Variants in ADAMTS12 observed in about 807,000 individuals in gnomAD.
The protein encoded by ADAMTS12 is A disintegrin and metalloproteinase with thrombospondin motifs 12.
A neutral mutation model predicts 167.8 loss-of-function variants in ADAMTS12; 118 were observed. The observed-to-expected ratio is 0.70, with a 90% confidence interval of 0.61 to 0.82. ADAMTS12 has a LOEUF of 0.82. ADAMTS12 is among the 40% of genes least tolerant of loss of function. The pLI, the probability that ADAMTS12 is intolerant of heterozygous loss-of-function variation, is 0.00. For synonymous variants in ADAMTS12, 704 were observed against 716.9 expected (o/e 0.98, Z 0.29); for missense variants, 1,916 against 1,998.8 (o/e 0.96, Z 0.79).
intron 16 of ADAMTS12, among the ~76,000 whole-genome samples, chr5:33,599,073 A>G (rs1256252695): frequency 6.6e-6 from 1 of 152,188 alleles, no homozygotes; most frequent in Non-Finnish European, 1.5e-5. Flanking sequence ...CACATGAATA[A>G]AACAGCATTC....
At chr5:33,769,059 A>G (rs889652132) in intron 2 of ADAMTS12, among the ~76,000 whole-genome samples, 8 of 152,042 alleles carry the variant, frequency 5.3e-5, no homozygotes, top group Admixed American at 1.3e-4. Flanking sequence ...TTATAACTGG[A>G]AGACAGAGGC....
At chr5:33,642,196 A>C (rs1436659101) in intron 10 of ADAMTS12, among the ~76,000 whole-genome samples, 1 of 152,246 alleles carries the variant, frequency 6.6e-6, no homozygotes, top group East Asian at 1.9e-4. Flanking sequence ...GGTGCTACAC[A>C]GTGTGGTTGG....
intron 20 of ADAMTS12, among the ~76,000 whole-genome samples, chr5:33,560,382 G>C (rs1479878697): frequency 1.3e-5 from 2 of 152,250 alleles, no homozygotes; most frequent in South Asian, 4.2e-4. Flanking sequence ...CAGGGATCTA[G>C]AACTAGAAAT....
intron 5 of ADAMTS12, among the ~76,000 whole-genome samples, chr5:33,681,742 G>A (rs1034943501): frequency 5.9e-5 from 9 of 152,120 alleles, no homozygotes; most frequent in African/African-American, 1.4e-4. Flanking sequence ...ATGAGAAGGC[G>A]CCAGTCATGT....
intron 21 of ADAMTS12, among the ~76,000 whole-genome samples, chr5:33,548,947 T>G (rs926892526): frequency 6.6e-6 from 1 of 152,220 alleles, no homozygotes; most frequent in African/African-American, 2.4e-5. Context: ...GTATATCCAT[T>G]GGGAGACCAG....
At chr5:33,868,615 T>C (rs1018184568) in intron 2 of ADAMTS12, among the ~76,000 whole-genome samples, 1 of 152,322 alleles carries the variant, frequency 6.6e-6, no homozygotes, top group Non-Finnish European at 1.5e-5. Context: ...ATGTTCAAGA[T>C]GTGGCCTGGC....
chr5:33,751,654 AC>A (rs1744986715), intron 2 of ADAMTS12, 106 bp from the exon 3 acceptor site: 3 of 1,105,472 alleles, frequency 2.7e-6, no homozygotes, highest in Non-Finnish European at 3.9e-6. Flanking sequence ...AACTCCTAAG[AC>A]CAGTGCTTTC....
intron 10 of ADAMTS12, among the ~76,000 whole-genome samples, chr5:33,642,966 T>C (rs1289695531): frequency 6.6e-6 from 1 of 151,234 alleles, no homozygotes; most frequent in Non-Finnish European, 1.5e-5. Context: ...TGTCAGAAGA[T>C]GAGAAAGAAG....
At chr5:33,551,994 G>A (rs1005690720) in intron 20 of ADAMTS12, among the ~76,000 whole-genome samples, 5 of 152,294 alleles carry the variant, frequency 3.3e-5, no homozygotes, top group African/African-American at 4.8e-5. Context: ...CAAGAGGCAG[G>A]CTAATGAGAA....
intron 5 of ADAMTS12, among the ~76,000 whole-genome samples, chr5:33,669,352 G>A (rs1330093398): frequency 6.6e-6 from 1 of 152,112 alleles, no homozygotes; most frequent in Non-Finnish European, 1.5e-5. Context: ...TTGCCCATGA[G>A]GATGTTGCCC....
intron 18 of ADAMTS12, among the ~76,000 whole-genome samples, chr5:33,586,745 C>T (rs1747373118): frequency 6.6e-6 from 1 of 152,172 alleles, no homozygotes; most frequent in Admixed American, 6.5e-5. Context: ...CTCCATTCAG[C>T]CTTATTTTGA....
intron 7 of ADAMTS12, among the ~76,000 whole-genome samples, chr5:33,652,921 T>G (rs1371920663): frequency 6.6e-6 from 1 of 152,148 alleles, no homozygotes; most frequent in Non-Finnish European, 1.5e-5. Flanking sequence ...ATCAGTTCTC[T>G]CATTGTATAT....
chr5:33,618,653 T>C (rs1739149476), intron 14 of ADAMTS12, among the ~76,000 whole-genome samples: 1 of 152,198 alleles, frequency 6.6e-6, no homozygotes, highest in Non-Finnish European at 1.5e-5. Flanking sequence ...TTGTCTTCTG[T>C]TAATTCCCCT....
At chr5:33,637,949 A>G (rs1414328808) in intron 11 of ADAMTS12, among the ~76,000 whole-genome samples, 6 of 152,194 alleles carry the variant, frequency 3.9e-5, no homozygotes, top group Non-Finnish European at 8.8e-5. Context: ...CTTATTTTGA[A>G]ATAGTTTATA....
At position 33,760,879 on chromosome 5, in the gene ADAMTS12, C is replaced by CTGTGTGTGTGTG. The variant is rs61110268; in HGVS notation, c.490-9343_490-9332dup. 4.1e-5 allele frequency among the ~76,000 whole-genome samples: 6 copies of CTGTGTGTGTGTG among 145,574 alleles called. No individual in the cohort carries two copies. In the East Asian group the frequency reaches 1.2e-3, roughly 29 times the overall value. On this transcript the variant is annotated intron_variant, in intron 2 of 23. Coordinates refer to ENST00000504830, the MANE Select transcript of ADAMTS12 (RefSeq NM_030955.4). ...TTCTCATAATTTCTTTGTCTTTGCTCTGTGTGTGTGTGTGTGTGTGTGTGT... is the reference window on the plus strand; with the variant it reads ...TTCTCATAATTTCTTTGTCTTTGCTCTGTGTGTGTGTGTGTGTGTGTGTGTGTGTGTGTGTGT...
chr5:33,724,186 T>C (rs1361212087), intron 3 of ADAMTS12, among the ~76,000 whole-genome samples: 1 of 152,178 alleles, frequency 6.6e-6, no homozygotes, highest in Non-Finnish European at 1.5e-5. Flanking sequence ...CAGTTCTGGA[T>C]TTTGAGCCCT....
intron 5 of ADAMTS12, among the ~76,000 whole-genome samples, chr5:33,663,876 C>T (rs1463340958): frequency 1.3e-5 from 2 of 152,070 alleles, no homozygotes; most frequent in African/African-American, 4.8e-5. Flanking sequence ...TTAACATTAC[C>T]ATTTACAATT....
intron 2 of ADAMTS12, among the ~76,000 whole-genome samples, chr5:33,818,554 G>T (rs1747749478): frequency 7.1e-6 from 1 of 141,372 alleles, no homozygotes; most frequent in Non-Finnish European, 1.6e-5. Context: ...GTAGATCTAT[G>T]TATGAGGTGG....
chr5:33,841,980 T>G (rs1352940215), intron 2 of ADAMTS12, among the ~76,000 whole-genome samples: 1 of 152,196 alleles, frequency 6.6e-6, no homozygotes, highest in Non-Finnish European at 1.5e-5. Context: ...TTCATTTTCC[T>G]CTTACACCAT....
Sources: allele counts gnomAD v4.1 joint callset (sites outside exome capture counted in the v4.1 genomes callset), GRCh38; gene constraint gnomAD v4.1.1; transcripts MANE v1.5; gene names NCBI Gene and HGNC (gene_info 2026-07-23, HGNC 2026-07-21).